ASPH: variants seen among roughly 807,000 people sequenced by gnomAD.
The protein encoded by ASPH is aspartate beta-hydroxylase.
Under a neutral mutation model 118.4 loss-of-function variants are expected in ASPH, and 100 were observed. The ratio of observed to expected loss-of-function variants is 0.84; its 90% CI spans 0.72 to 1.00. The LOEUF is 1.00. ASPH is among the 50% of genes least tolerant of loss of function. ASPH has a pLI of 0.00. For missense variants in ASPH, 920 were observed against 919.5 expected, an observed-to-expected ratio of 1.00 and a Z score of -0.01; for synonymous variants, 315 against 325.6, an observed-to-expected ratio of 0.97 and a Z score of 0.35.
intron 3 of ASPH, among the ~76,000 whole-genome samples, chr8:61,671,724 G>A (rs1373632736): frequency 6.6e-6 from 1 of 152,216 alleles, no homozygotes; most frequent in Non-Finnish European, 1.5e-5. Context: ...CCCTTAGAAC[G>A]TAAGAGAGTT....
chr8:61,528,301 GA>G (rs1010179842), intron 21 of ASPH, among the ~76,000 whole-genome samples: 26 of 152,040 alleles, frequency 1.7e-4, no homozygotes, highest in Admixed American at 1.6e-3. Context: ...CCATGGAAAA[GA>G]AAAAAATGCA....
At chr8:61,544,670 G>A (rs1364875485) in intron 21 of ASPH, among the ~76,000 whole-genome samples, 1 of 151,988 alleles carries the variant, frequency 6.6e-6, no homozygotes, top group African/African-American at 2.4e-5. Flanking sequence ...TTAAATCCCT[G>A]GAGCTTCTAA....
intron 22 of ASPH, among the ~76,000 whole-genome samples, chr8:61,522,558 T>C (rs1309573807): frequency 1.3e-5 from 2 of 152,212 alleles, no homozygotes; most frequent in African/African-American, 4.8e-5. Flanking sequence ...TGGAGATAAC[T>C]GAATCATGGG....
chr8:61,625,005 A>G (rs1355843401), intron 13 of ASPH: 1 of 985,408 alleles, frequency 1.0e-6, no homozygotes, highest in Non-Finnish European at 1.2e-6. Flanking sequence ...AAAAATATAG[A>G]AGTATCTTTG....
intron 16 of ASPH, among the ~76,000 whole-genome samples, chr8:61,573,009 CAA>C (rs1470023473): frequency 2.0e-5 from 3 of 152,152 alleles, no homozygotes; most frequent in African/African-American, 4.8e-5. Context: ...GCAACTTCAG[CAA>C]AGTCTCAGGA....
intron 3 of ASPH, among the ~76,000 whole-genome samples, chr8:61,655,823 C>T (rs558960050): frequency 6.6e-6 from 1 of 152,130 alleles, no homozygotes; most frequent in East Asian, 1.9e-4. Flanking sequence ...AATACCTGGT[C>T]ATAGCTATTT....
intron 18 of ASPH, among the ~76,000 whole-genome samples, chr8:61,558,418 C>T (rs57119967): frequency 0.33 from 49,698 of 152,118 alleles, 10,793 homozygotes; most frequent in African/African-American, 0.62. Flanking sequence ...GCAGAAGAGA[C>T]TGGAGAAAAG....
chr8:61,673,017 T>C (rs1823386466), intron 3 of ASPH, among the ~76,000 whole-genome samples: 1 of 152,214 alleles, frequency 6.6e-6, no homozygotes, highest in Non-Finnish European at 1.5e-5. Context: ...AATTTTTTGA[T>C]AATTATCCAA....
At chr8:61,555,093 T>C (rs973105216) in intron 19 of ASPH, among the ~76,000 whole-genome samples, 1 of 152,036 alleles carries the variant, frequency 6.6e-6, no homozygotes, top group African/African-American at 2.4e-5. Flanking sequence ...TAATTAGATA[T>C]GAGAAAAAAG....
At chr8:61,690,343 A>C (rs947895647) in intron 1 of ASPH, among the ~76,000 whole-genome samples, 1 of 152,208 alleles carries the variant, frequency 6.6e-6, no homozygotes, top group African/African-American at 2.4e-5. Context: ...AAAATGTTTC[A>C]CTAGAAAAGG....
At position 61,595,684 on chromosome 8, in the gene ASPH, GCAGA is replaced by G. The variant is rs796480589; in HGVS notation, c.977-11659_977-11656del. On this transcript the variant is annotated intron_variant, in intron 14 of 24. Transcript: ENST00000379454. ...CAGTGATAAAATAAGGATCATAAAA[GCAGA>G]CAGAGAGAATAGACATGTCACACAC... Among the ~76,000 whole-genome samples the G allele has an allele frequency of 4.1e-4, 63 of 152,288 alleles. 2 individuals carry two copies. Among genetic ancestry groups the G allele is most frequent in the African/African-American group, 1.3e-3 (53 of 41,548 alleles).
intron 22 of ASPH, among the ~76,000 whole-genome samples, chr8:61,524,752 CT>C (rs199581207): frequency 0.18 from 26,520 of 145,438 alleles, 2,516 homozygotes; most frequent in East Asian, 0.4. Flanking sequence ...TTATCAAATA[CT>C]TTTTTTTTTT....
intron 14 of ASPH, among the ~76,000 whole-genome samples, chr8:61,610,077 T>C (rs1395036747): frequency 6.6e-6 from 1 of 152,222 alleles, no homozygotes; most frequent in African/African-American, 2.4e-5. Flanking sequence ...TTTTAAAACA[T>C]ACCAATACCT....
In ASPH at chr8:61,692,906, T is replaced by A. The variant is rs930042346; in HGVS notation, c.104-8718A>T. Among the ~76,000 whole-genome samples the A allele has an allele frequency of 5.3e-5, 8 of 151,590 alleles. No homozygotes were observed. The South Asian group carries it at 1.3e-3, about 24-fold the overall frequency. On this transcript the variant is annotated intron_variant, in intron 1 of 24. Coordinates refer to ENST00000379454, the MANE Select transcript of ASPH (RefSeq NM_004318.4). ...TCAAGGAAGGGAAGTAGTTCTTGCT[T>A]TTACCAATTTCCAGACCATCATTTC... is the stretch of plus-strand genomic sequence containing the variant.
chr8:61,672,201 C>CT (rs1460028346), intron 3 of ASPH, among the ~76,000 whole-genome samples: 7 of 151,976 alleles, frequency 4.6e-5, no homozygotes, highest in African/African-American at 1.7e-4. Context: ...ACACCAATTG[C>CT]TTTTTTATTT....
chr8:61,613,934 T>A (rs1244891515), intron 14 of ASPH, among the ~76,000 whole-genome samples: 1 of 152,248 alleles, frequency 6.6e-6, no homozygotes, highest in Non-Finnish European at 1.5e-5. Context: ...TAGCTACGTC[T>A]GTTCTATTTT....
rs538278635 is a variant in ASPH, at chr8:61,595,186, T to A, written c.977-11157A>T. ...TGAAAACCTGACATTACAAAATTGA[T>A]TAATCTTGCTTTATAGTAGAGGTGG... On this transcript the variant is annotated intron_variant, in intron 14 of 24. Transcript: ENST00000379454. Among the ~76,000 whole-genome samples the A allele has an allele frequency of 3.9e-5, 6 of 152,296 alleles. No homozygotes were observed. In the East Asian group the frequency reaches 1.2e-3, roughly 29 times the overall value.
intron 17 of ASPH, among the ~76,000 whole-genome samples, chr8:61,565,595 G>A (rs1276972546): frequency 6.8e-6 from 1 of 148,046 alleles, no homozygotes; most frequent in Non-Finnish European, 1.5e-5. Context: ...AGAAGCTGTA[G>A]CAAGTTTCCA....
intron 10 of ASPH, among the ~76,000 whole-genome samples, chr8:61,638,773 C>T (rs573256265): frequency 5.3e-5 from 8 of 152,204 alleles, no homozygotes; most frequent in Middle Eastern, 3.4e-3. Context: ...GAGAATGAAG[C>T]GTTCCCCACC....
Sources: gnomAD v4.1 joint callset for allele counts (sites outside exome capture counted in the v4.1 genomes callset) on GRCh38, gnomAD v4.1.1 for gene constraint, MANE v1.5 for transcripts, NCBI Gene and HGNC (gene_info 2026-07-23, HGNC 2026-07-21) for gene names.